Variants in DDX47 observed in about 807,000 individuals in gnomAD.
The protein encoded by DDX47 is DEAD-box helicase 47.
A neutral mutation model predicts 58.8 loss-of-function variants in DDX47; 60 were observed. The observed-to-expected ratio is 1.02, with a 90% CI of 0.83 to 1.26. The LOEUF (loss-of-function observed/expected upper bound fraction) is 1.26, where lower values mean the gene tolerates loss of function less well. DDX47 is among the 50% of genes most tolerant of loss of function. The pLI, the probability that DDX47 is intolerant of heterozygous loss-of-function variation, is 0.00. For missense variants in DDX47, 530 were observed against 573.2 expected, an observed-to-expected ratio of 0.92 and a Z score of 0.77; for synonymous variants, 197 against 204.6, an observed-to-expected ratio of 0.96 and a Z score of 0.32.
intron 3 of DDX47, 93 bp downstream of exon 3, chr12:12,821,489 A>C (rs1279763675): frequency 2.0e-6 from 3 of 1,508,222 alleles, no homozygotes; most frequent in Non-Finnish European, 2.8e-6. Context: ...TTGCTAGCAT[A>C]ATTTATTGAC....
chr12:12,813,557 G>A, intron 1 of DDX47, 103 bp downstream of exon 1: 1 of 1,095,298 alleles, frequency 9.1e-7, no homozygotes, highest in Non-Finnish European at 1.3e-6. Context: ...AAAGCATCTT[G>A]GGGCCTAGCT....
chr12:12,813,407 T>C lies in DDX47; in HGVS notation c.40T>C (p.Ser14Pro). 6.2e-7 allele frequency: 1 copy of C among 1,613,276 alleles called. No homozygotes were observed. The highest frequency in any genetic ancestry group is 8.5e-7 in the Non-Finnish European group (1 of 1,179,654). ...GGAACACGATTCTCCGACCGAAGCGTCCCAGCCGATTGTGGAAGAGGAGGA... is the reference window on the plus strand; with the variant it reads ...GGAACACGATTCTCCGACCGAAGCGCCCCAGCCGATTGTGGAAGAGGAGGA... ...PEEHDSPTEA[S>P]QPIVEEEETK... The change falls in exon 1 of 12, where the codon TCC (serine) becomes CCC (proline). Residue 14 changes from serine (S) to proline (P), a missense_variant. Ser to Pro is a moderately conservative substitution (Grantham distance 74, BLOSUM62 -1). Coordinates refer to ENST00000358007, the MANE Select transcript of DDX47 (RefSeq NM_016355.4).
rs1304031586 is a variant in DDX47, at chr12:12,827,360, A to G, written c.1221A>G (p.Gln407=). The change falls in exon 11 of 12, where the codon CAA becomes CAG. Residue 407 remains glutamine, a synonymous_variant. Transcript: ENST00000358007. ...TGACAGAACGCGTCGCTGAAGCCCA[A>G]AGGTTTGCCCGAATGGTATGCATCT... The part of the protein sequence containing the change: ...MMLTERVAEA[Q]RFARMELREH... The G allele has an allele frequency of 1.2e-6, 2 of 1,614,022 alleles. No individual in the cohort carries two copies. Among genetic ancestry groups the G allele is most frequent in the Non-Finnish European group, 8.5e-7 (1 of 1,180,020 alleles).
At chr12:12,824,051 G>T in intron 8 of DDX47, 35 bp downstream of exon 8, 1 of 1,601,526 alleles carries the variant, frequency 6.2e-7, no homozygotes, top group Admixed American at 1.7e-5. Context: ...CCATGCACTG[G>T]TGGCGTGAGC....
intron 2 of DDX47, chr12:12,814,581 G>A (rs1381021191): frequency 1.1e-5 from 2 of 182,576 alleles, no homozygotes; most frequent in African/African-American, 4.7e-5. Context: ...CTTGCTGTGA[G>A]CCATGTTTAT....
chr12:12,816,590 G>A (rs1257161563), intron 2 of DDX47, among the ~76,000 whole-genome samples: 1 of 152,204 alleles, frequency 6.6e-6, no homozygotes, highest in Non-Finnish European at 1.5e-5. Flanking sequence ...CCAAAGAGCG[G>A]TTATAGCTGA....
chr12:12,828,565 C>T (rs888491179), intron 11 of DDX47, among the ~76,000 whole-genome samples: 2 of 152,154 alleles, frequency 1.3e-5, no homozygotes, highest in African/African-American at 4.8e-5. Context: ...TGCCTGCTTT[C>T]TGGAGTTCTG....
rs1422507611 is a variant in DDX47 at position 12,823,947 on chromosome 12, C to A, written c.828C>A (p.Thr276=). Residue 276 remains threonine, a synonymous_variant, in exon 8 of 12, where the codon ACC becomes ACA. Coordinates refer to ENST00000358007, the MANE Select transcript of DDX47 (RefSeq NM_016355.4). ...FMIFCSTCNN[T]QRTALLLRNL... ...TATTCTGCAGCACCTGTAATAATAC[C>A]CAGAGAACAGCTTTGCTACTGCGAA... The A allele has an allele frequency of 2.6e-5, 42 of 1,613,898 alleles. No homozygotes were observed. Among genetic ancestry groups the A allele is most frequent in the Non-Finnish European group, 3.6e-5 (42 of 1,179,998 alleles).
At chr12:12,825,759 A>G (rs568135510) in intron 9 of DDX47, among the ~76,000 whole-genome samples, 8 of 152,290 alleles carry the variant, frequency 5.3e-5, no homozygotes, top group African/African-American at 1.7e-4. Context: ...CCATGTAGAT[A>G]TGCTTTGTAG....
chr12:12,813,563 T>C, intron 1 of DDX47, 109 bp downstream of exon 1: 1 of 1,032,168 alleles, frequency 9.7e-7, no homozygotes. Context: ...TCTTGGGGCC[T>C]AGCTTGGGTT....
chr12:12,819,588 A>G (rs186344891), intron 2 of DDX47, among the ~76,000 whole-genome samples: 2 of 152,232 alleles, frequency 1.3e-5, no homozygotes, highest in African/African-American at 2.4e-5. Flanking sequence ...ATACCTCCAA[A>G]TAATTATGCC....
At chr12:12,824,769 G>C (rs1863025846) in intron 9 of DDX47, 92 bp downstream of exon 9, 2 of 1,396,428 alleles carry the variant, frequency 1.4e-6, no homozygotes, top group African/African-American at 2.9e-5. Context: ...CAGTTATTTT[G>C]TTCCTGGTTA....
intron 2 of DDX47, among the ~76,000 whole-genome samples, chr12:12,816,967 G>A (rs950956766): frequency 1.3e-5 from 2 of 152,154 alleles, no homozygotes; most frequent in Non-Finnish European, 2.9e-5. Context: ...AAAAGAATAG[G>A]GAGGGGTCAG....
chr12:12,824,687 A>G lies in DDX47; in HGVS notation c.1035+10A>G, dbSNP rs373915147. 26 of 1,612,470 alleles carry G rather than the reference A, an allele frequency of 1.6e-5. No homozygotes were observed. Among genetic ancestry groups the G allele is most frequent in the Middle Eastern group, 1.6e-4 (1 of 6,082 alleles). ...TCCTACCCATTCCAAGGTGAGTCCT[A>G]TTGCTAACTTACCTTTCTAGTCCTA... is the stretch of plus-strand genomic sequence containing the variant. On this transcript the variant is annotated intron_variant, in intron 9 of 11. Coordinates refer to ENST00000358007, the MANE Select transcript of DDX47 (RefSeq NM_016355.4).
intron 2 of DDX47, among the ~76,000 whole-genome samples, chr12:12,819,382 T>C (rs1486408767): frequency 6.7e-6 from 1 of 150,252 alleles, no homozygotes; most frequent in East Asian, 2.0e-4. Context: ...GATTTCTAGG[T>C]CCCAGCCAAG....
At chr12:12,827,982 T>C (rs112514396) in intron 11 of DDX47, among the ~76,000 whole-genome samples, 18,406 of 149,994 alleles carry the variant, frequency 0.12, 1,183 homozygotes, top group African/African-American at 0.17. Context: ...TTCAAGCGAT[T>C]CTCCTGCCTC....
chr12:12,820,927 G>C, intron 2 of DDX47: 1 of 429,638 alleles, frequency 2.3e-6, no homozygotes, highest in South Asian at 2.4e-5. Context: ...ACTCTTCTGG[G>C]CAGTAGTTAC....
Position 12,821,236 on chromosome 12 carries a change from T to G in DDX47, c.210T>G (p.Thr70=), listed in dbSNP as rs1208333670. 1.9e-6 allele frequency: 3 copies of G among 1,614,142 alleles called. No homozygotes were observed. The highest frequency in any genetic ancestry group is 2.5e-6 in the Non-Finnish European group (3 of 1,180,058). Residue 70 remains threonine (T), a synonymous_variant, in exon 3 of 12, where the codon ACT becomes ACG. Transcript: ENST00000358007. ...QGRDIIGLAE[T]GSGKTGAFAL... is the part of the protein sequence containing the mutation. ...GTGATATCATTGGGCTTGCAGAAAC[T>G]GGCTCTGGAAAGACAGGCGCCTTTG...
intron 8 of DDX47, 150 bp downstream of exon 8, chr12:12,824,166 T>TA (rs1863015701): frequency 2.0e-6 from 2 of 976,304 alleles, no homozygotes; most frequent in East Asian, 2.5e-5. Flanking sequence ...TTGCTCTAGA[T>TA]ACTTACTTTC....
Sources: allele counts gnomAD v4.1 joint callset (sites outside exome capture counted in the v4.1 genomes callset), GRCh38; gene constraint gnomAD v4.1.1; transcripts MANE v1.5; gene names NCBI Gene and HGNC (gene_info 2026-07-23, HGNC 2026-07-21).